KMT2C: variants seen among roughly 807,000 people sequenced by gnomAD.
KMT2C encodes lysine methyltransferase 2C.
In KMT2C, 88 loss-of-function variants were observed where a neutral mutation model predicts 507.9. That is an observed-to-expected ratio of 0.17 (90% CI 0.15 to 0.21). The LOEUF (loss-of-function observed/expected upper bound fraction) is 0.21. Ranked by LOEUF, KMT2C falls within the 10% of genes least tolerant of loss-of-function variation. KMT2C has a pLI of 1.00. For missense variants in KMT2C, 4,954 were observed against 5,957.8 expected (o/e 0.83, Z 5.55); for synonymous variants, 2,049 against 2,080.8 (o/e 0.98, Z 0.42).
intron 31 of KMT2C, among the ~76,000 whole-genome samples, chr7:152,189,835 A>C (rs1563324968): frequency 6.6e-6 from 1 of 152,208 alleles, no homozygotes; most frequent in Non-Finnish European, 1.5e-5. Flanking sequence ...CTAGAATGCC[A>C]CATCTATTTT....
At chr7:152,199,997 C>T (rs1248391192) in intron 26 of KMT2C, among the ~76,000 whole-genome samples, 4 of 152,108 alleles carry the variant, frequency 2.6e-5, no homozygotes, top group Non-Finnish European at 5.9e-5. Context: ...AACATTTTTC[C>T]ATTTCAATAT....
intron 14 of KMT2C, among the ~76,000 whole-genome samples, chr7:152,245,712 T>C (rs1202050258): frequency 1.3e-5 from 2 of 152,146 alleles, no homozygotes; most frequent in Non-Finnish European, 2.9e-5. Flanking sequence ...GAAAAGCTCA[T>C]ATAATACTAT....
chr7:152,346,612 C>T (rs2097059476), intron 2 of KMT2C, among the ~76,000 whole-genome samples: 1 of 152,124 alleles, frequency 6.6e-6, no homozygotes, highest in Admixed American at 6.5e-5. Context: ...AACACATATA[C>T]AGTTGACCCT....
rs778903979 is a variant in KMT2C at position 152,149,024 on chromosome 7, G to C, written c.12903C>G (p.Pro4301=). 14 of 1,539,646 alleles carry C rather than the reference G, an allele frequency of 9.1e-6. No individual in the cohort carries two copies. The highest frequency in any genetic ancestry group is 1.2e-5 in the Non-Finnish European group (14 of 1,147,904). ...CLPQLPEKAS[P]PASPPIAFPP... ...GGAAGGCGATGGGTGGTGAGGCAGGGGGAGAAGCTTTCTCTGGGAGCTGGG... is the reference window on the plus strand; with the variant it reads ...GGAAGGCGATGGGTGGTGAGGCAGGCGGAGAAGCTTTCTCTGGGAGCTGGG... Residue 4301 remains proline (P), a synonymous_variant, in exon 52 of 59, where the codon CCC becomes CCG. Transcript: ENST00000262189.
chr7:152,288,411 A>G (rs1385183922), intron 6 of KMT2C, among the ~76,000 whole-genome samples: 2 of 151,376 alleles, frequency 1.3e-5, no homozygotes, highest in East Asian at 2.0e-4. Flanking sequence ...GCACACACCT[A>G]TAATTCCAGC....
chr7:152,279,683 A>C (rs10229942), intron 6 of KMT2C, among the ~76,000 whole-genome samples: 1,889 of 152,284 alleles, frequency 0.012, 29 homozygotes, highest in African/African-American at 0.044. Context: ...TTCTGATTGA[A>C]ACATCTGCTA....
intron 27 of KMT2C, 33 bp from the exon 28 acceptor site, chr7:152,196,044 A>G (rs1290648606): frequency 1.5e-6 from 2 of 1,353,134 alleles, no homozygotes; most frequent in Admixed American, 2.0e-5. Flanking sequence ...TTAAAATTTC[A>G]GTATTTTCTC....
At chr7:152,156,432 C>A in intron 44 of KMT2C, 86 bp from the exon 45 acceptor site, 1 of 1,507,928 alleles carries the variant, frequency 6.6e-7, no homozygotes, top group Admixed American at 2.0e-5. Flanking sequence ...GAATTTTTTG[C>A]ACATAGAAGC....
chr7:152,327,826 C>T (rs976514103), intron 3 of KMT2C, among the ~76,000 whole-genome samples: 2 of 151,656 alleles, frequency 1.3e-5, no homozygotes, highest in Non-Finnish European at 2.9e-5. Context: ...GGCGTGGTGG[C>T]GGGCACCTGT....
rs1487007622 is a variant in KMT2C at position 152,378,548 on chromosome 7, C to T, written c.162-19873G>A. On this transcript the variant is annotated intron_variant, in intron 1 of 58. Coordinates refer to ENST00000262189, the MANE Select transcript of KMT2C (RefSeq NM_170606.3). ...AGAATATAAACATAATATTTACATG[C>T]ACTGGTAAACCAAAATATTTGTGTG... 2.6e-5 allele frequency among the ~76,000 whole-genome samples: 4 copies of T among 152,148 alleles called. No homozygotes were observed. In the South Asian group the frequency reaches 8.3e-4, roughly 32 times the overall value.
chr7:152,222,234 T>C (rs1588346026), intron 21 of KMT2C, among the ~76,000 whole-genome samples, 168 bp from the exon 22 acceptor site: 1 of 152,172 alleles, frequency 6.6e-6, no homozygotes, highest in African/African-American at 2.4e-5. Context: ...CAAGAAGTGA[T>C]GAAGGAAATA....
At chr7:152,289,455 G>C (rs1405289624) in intron 6 of KMT2C, among the ~76,000 whole-genome samples, 1 of 152,160 alleles carries the variant, frequency 6.6e-6, no homozygotes, top group East Asian at 1.9e-4. Context: ...TTACACCATA[G>C]TTTTTCTTGA....
In KMT2C at chr7:152,148,866, C is replaced by T. The variant is rs750945689; in HGVS notation, c.13061G>A (p.Gly4354Glu). 9 of 1,614,098 alleles carry T rather than the reference C, an allele frequency of 5.6e-6. No homozygotes were observed. The highest frequency in any genetic ancestry group is 2.7e-5 in the African/African-American group (2 of 74,934). ...AATGCTCCACTTCTTCCATTTCATT[C>T]CTCTCCATTTTTTATTGAGCGGCCT... ...DCRPLNKKWRGMKWKKWSIHI... is the reference protein window; with the variant it reads ...DCRPLNKKWREMKWKKWSIHI... The change falls in exon 52 of 59, where the codon GGA becomes GAA. Residue 4354 changes from glycine to glutamate, a missense_variant. By Grantham distance (98) the Gly-to-Glu change is moderately conservative (BLOSUM62 -2). This residue lies in a region of KMT2C where 417 missense variants were observed against 461.1 expected (regional missense o/e 0.90). Coordinates refer to ENST00000262189, the MANE Select transcript of KMT2C (RefSeq NM_170606.3). This position sits in a 1 kb window ranked among gnomAD's most constrained non-coding sequence, Gnocchi z 7.1.
chr7:152,196,127 T>C (rs991681244), intron 27 of KMT2C, 116 bp from the exon 28 acceptor site: 9 of 466,658 alleles, frequency 1.9e-5, no homozygotes, highest in African/African-American at 8.1e-5. Flanking sequence ...AATAAAAACC[T>C]GAGACTCTTA....
At position 152,243,143 on chromosome 7, in the gene KMT2C, A is replaced by C. The variant is rs116548133; in HGVS notation, c.2533-4317T>G. ...TGAGTTCGATATCAAGTAGAACAAG[A>C]AATTAGACCTAATCCTGTTTTGATA... On this transcript the variant is annotated intron_variant, in intron 14 of 58. Coordinates refer to ENST00000262189, the MANE Select transcript of KMT2C (RefSeq NM_170606.3). Among the ~76,000 whole-genome samples, 1,319 of 152,336 alleles carry C rather than the reference A, an allele frequency of 8.7e-3. 21 individuals are homozygous for C. The highest frequency in any genetic ancestry group is 0.031 in the African/African-American group (1,271 of 41,578).
At chr7:152,241,577 T>G (rs1186792229) in intron 14 of KMT2C, among the ~76,000 whole-genome samples, 1 of 152,178 alleles carries the variant, frequency 6.6e-6, no homozygotes, top group South Asian at 2.1e-4. Flanking sequence ...TGAACCATCA[T>G]CTCTCTTACC....
chr7:152,353,435 C>A (rs1251123630), intron 2 of KMT2C, among the ~76,000 whole-genome samples: 1 of 152,104 alleles, frequency 6.6e-6, no homozygotes, highest in Non-Finnish European at 1.5e-5. Context: ...ATTACTTTCC[C>A]AATGGCTACT....
intron 1 of KMT2C, among the ~76,000 whole-genome samples, chr7:152,389,555 A>G (rs973610284): frequency 2.0e-5 from 3 of 151,944 alleles, no homozygotes; most frequent in Non-Finnish European, 4.4e-5. Flanking sequence ...CTTGGCCTCA[A>G]GCAATCCTCC....
At chr7:152,408,772 CA>C (rs1208572594) in intron 1 of KMT2C, among the ~76,000 whole-genome samples, 1 of 144,360 alleles carries the variant, frequency 6.9e-6, no homozygotes, top group Non-Finnish European at 1.5e-5. Flanking sequence ...TCCCTGGTGC[CA>C]AAAAGTTTGG....
Sources: allele counts gnomAD v4.1 joint callset (sites outside exome capture counted in the v4.1 genomes callset), GRCh38; gene constraint gnomAD v4.1.1; regional missense constraint gnomAD v4.1.1; non-coding constraint Gnocchi (gnomAD v3.1); transcripts MANE v1.5; gene names NCBI Gene and HGNC (gene_info 2026-07-23, HGNC 2026-07-21).